CACNA1C: variants seen among roughly 807,000 people sequenced by gnomAD.
CACNA1C encodes the protein calcium voltage-gated channel subunit alpha1 C, also known as voltage-dependent L-type calcium channel subunit alpha-1C.
In CACNA1C, 30 loss-of-function variants were observed where a neutral mutation model predicts 229.0. That is an observed-to-expected ratio of 0.13 (90% CI 0.10 to 0.18). CACNA1C has a LOEUF of 0.18. CACNA1C is among the 10% of genes least tolerant of loss of function. The probability of loss-of-function intolerance (pLI) is 1.00; values close to 1 mark genes in which losing one functional copy is unlikely to be tolerated. For missense variants in CACNA1C, 1,658 were observed against 2,845.0 expected (o/e 0.58, Z 9.49); for synonymous variants, 1,114 against 1,132.5 (o/e 0.98, Z 0.33).
intron 3 of CACNA1C, among the ~76,000 whole-genome samples, chr12:2,300,597 G>C (rs1257433667): frequency 2.0e-5 from 3 of 152,176 alleles, no homozygotes; most frequent in African/African-American, 7.2e-5. Flanking sequence ...CTGCACTCCA[G>C]CCTGGTGACA....
intron 39 of CACNA1C, chr12:2,676,664 C>T (rs904168041): frequency 6.2e-6 from 1 of 160,312 alleles, no homozygotes; most frequent in African/African-American, 2.4e-5. Flanking sequence ...TTTGCACTTG[C>T]ACTTGGAAGA....
rs542763404 is a variant in CACNA1C, at chr12:2,191,587, C to T, written c.477+71157C>T. ...GCACTCACATGTACTCAAGCATACACACATGCACTCACACACATGCGCTCA... is the reference window on the plus strand; with the variant it reads ...GCACTCACATGTACTCAAGCATACATACATGCACTCACACACATGCGCTCA... On this transcript the variant is annotated intron_variant, in intron 3 of 46. Coordinates refer to ENST00000399655, the MANE Select transcript of CACNA1C (RefSeq NM_000719.7). Among the ~76,000 whole-genome samples, 439 of 152,276 alleles carry T rather than the reference C, an allele frequency of 2.9e-3. 3 individuals carry two copies. The highest frequency in any genetic ancestry group is 9.8e-3 in the African/African-American group (406 of 41,536).
At chr12:2,074,842 G>T (rs2062619966) in intron 1 of CACNA1C, among the ~76,000 whole-genome samples, 1 of 152,172 alleles carries the variant, frequency 6.6e-6, no homozygotes, top group African/African-American at 2.4e-5. Context: ...TGGCACCTGT[G>T]GGGAGCCTCC....
chr12:2,625,208 A>T (rs1057245965), intron 29 of CACNA1C, among the ~76,000 whole-genome samples: 16 of 152,238 alleles, frequency 1.1e-4, no homozygotes, highest in Admixed American at 7.8e-4. Flanking sequence ...AAGCATAAAA[A>T]ATAATTATAT....
chr12:2,418,844 TGACCCCCAGC>T (rs1246104832), intron 3 of CACNA1C, among the ~76,000 whole-genome samples: 5 of 152,130 alleles, frequency 3.3e-5, no homozygotes, highest in Admixed American at 1.3e-4. Context: ...GGGAGCATGC[TGACCCCCAGC>T]TCCACTGCTT....
chr12:1,997,880 G>A lies in CACNA1C; in HGVS notation c.139+26679G>A, dbSNP rs538542300. Reference sequence around the variant, plus strand: ...GCACTTGAAGAAGAGTGACACAACGGAGCTAAAATATTATTTTGAAGATTA... The same window carrying A: ...GCACTTGAAGAAGAGTGACACAACGAAGCTAAAATATTATTTTGAAGATTA... On this transcript the variant is annotated intron_variant, in intron 1 of 46. Transcript: ENST00000682462. 1.8e-4 allele frequency: 247 copies of A among 1,395,830 alleles called. No individual in the cohort carries two copies. The African/African-American group carries it at 3.3e-3, about 19-fold the overall frequency. 86.5% of individuals were successfully genotyped at this position (1,395,830 alleles called of 1,614,324 possible). A position where few individuals can be genotyped will look rare whatever the true frequency, so the allele number is the denominator to read the frequency against.
intron 3 of CACNA1C, among the ~76,000 whole-genome samples, chr12:2,165,820 A>C (rs1401320289): frequency 6.6e-6 from 1 of 152,158 alleles, no homozygotes; most frequent in Non-Finnish European, 1.5e-5. Context: ...AGCTAGACTT[A>C]GTTAGACTTA....
rs2099444468 is a variant in CACNA1C at position 2,457,682 on chromosome 12, C to T, written c.733C>T (p.Leu245=). The stretch of plus-strand genomic sequence containing the variant: ...GAGGGCCTTCCGCGTGCTGCGCCCC[C>T]TGCGGCTGGTGTCCGGAGTCCCAAG... ...ALRAFRVLRP[L]RLVSGVPSLQ... The change falls in exon 5 of 47, where the codon CTG becomes TTG. Residue 245 remains leucine (L), a synonymous_variant. Coordinates refer to ENST00000399655, the MANE Select transcript of CACNA1C (RefSeq NM_000719.7). The T allele has an allele frequency of 1.9e-6, 3 of 1,600,934 alleles. No individual in the cohort carries two copies. The highest frequency in any genetic ancestry group is 1.4e-5 in the African/African-American group (1 of 74,038).
chr12:2,285,016 C>CCG lies in CACNA1C; in HGVS notation c.478-163959_478-163958dup, dbSNP rs1227325448. 6.6e-6 allele frequency among the ~76,000 whole-genome samples: 1 copy of CCG among 152,204 alleles called. No individual in the cohort carries two copies. Among genetic ancestry groups the CCG allele is most frequent in the Non-Finnish European group, 1.5e-5 (1 of 68,026 alleles). ...TCAGTGAGCGGGGCCTGGGGTAGGG[C>CCG]CGTTCTGCAGATCCTGGGTTGGCTT... is the stretch of plus-strand genomic sequence containing the variant. On this transcript the variant is annotated intron_variant, in intron 3 of 46. Transcript: ENST00000399655. The surrounding 1 kb of genome is among the most constrained non-coding windows in gnomAD (Gnocchi z 4.2).
intron 9 of CACNA1C, among the ~76,000 whole-genome samples, chr12:2,540,559 T>C (rs2099867245): frequency 6.6e-6 from 1 of 152,138 alleles, no homozygotes; most frequent in African/African-American, 2.4e-5. Context: ...TCCCCTCCAC[T>C]GCTGTGGTGT....
At chr12:2,118,599 C>T (rs899331428) in intron 2 of CACNA1C, among the ~76,000 whole-genome samples, 2 of 152,200 alleles carry the variant, frequency 1.3e-5, no homozygotes, top group Non-Finnish European at 2.9e-5. Context: ...GGATCACAAG[C>T]GTACATTCCA....
At chr12:1,975,463 T>C (rs951616309) in intron 1 of CACNA1C, among the ~76,000 whole-genome samples, 2 of 152,158 alleles carry the variant, frequency 1.3e-5, no homozygotes, top group African/African-American at 4.8e-5. Flanking sequence ...ATACACATTA[T>C]ATAGCCATAA....
At chr12:2,195,285 C>T (rs1451179023) in intron 3 of CACNA1C, among the ~76,000 whole-genome samples, 1 of 152,174 alleles carries the variant, frequency 6.6e-6, no homozygotes, top group Non-Finnish European at 1.5e-5. Flanking sequence ...CACGCCCCTC[C>T]CTGTGGAAGG....
At chr12:2,335,275 T>C (rs1302154063) in intron 3 of CACNA1C, among the ~76,000 whole-genome samples, 1 of 152,124 alleles carries the variant, frequency 6.6e-6, no homozygotes, top group Non-Finnish European at 1.5e-5. Flanking sequence ...CAGTGGTCTC[T>C]TCCGCCATGC....
At chr12:2,203,093 G>T (rs1409902582) in intron 3 of CACNA1C, among the ~76,000 whole-genome samples, 1 of 152,178 alleles carries the variant, frequency 6.6e-6, no homozygotes. Context: ...CATGCTGGGG[G>T]TGTAGCCATG....
chr12:2,146,369 A>G (rs1310629170), intron 3 of CACNA1C, among the ~76,000 whole-genome samples: 1 of 151,436 alleles, frequency 6.6e-6, no homozygotes, highest in African/African-American at 2.4e-5. Context: ...TCATCAGCAT[A>G]GGAATCAGAA....
intron 1 of CACNA1C, among the ~76,000 whole-genome samples, chr12:2,008,172 C>T (rs1332388639): frequency 3.9e-5 from 6 of 152,016 alleles, no homozygotes; most frequent in Non-Finnish European, 8.8e-5. Context: ...GGCTGGAGTG[C>T]AGTGGCACAA....
rs1044617109 is a variant in CACNA1C, at chr12:2,053,087, C to T, written c.-476C>T. On this transcript the variant is annotated 5_prime_UTR_variant, in exon 1 of 47. Transcript: ENST00000399655. This position sits in a 1 kb window ranked among gnomAD's most constrained non-coding sequence, Gnocchi z 5.8. ...GCGGCGGCGGCTCTTCCTGCCTCCG[C>T]GCCCAGGAGTTGCCGGCTCCCTTTG... is the stretch of plus-strand genomic sequence containing the variant. 1.5e-5 allele frequency: 15 copies of T among 984,476 alleles called. No individual in the cohort carries two copies. In the African/African-American group the frequency reaches 2.1e-4, roughly 14 times the overall value. The allele number at this position is 984,476 out of a possible 1,614,324, so 61.0% of individuals were successfully genotyped here. A position where few individuals can be genotyped will look rare whatever the true frequency, so the allele number is the denominator to read the frequency against.
intron 10 of CACNA1C, among the ~76,000 whole-genome samples, chr12:2,553,164 C>T (rs896523013): frequency 2.0e-5 from 3 of 152,188 alleles, no homozygotes; most frequent in South Asian, 2.1e-4. Context: ...CAAAGCACTC[C>T]GCTCTGGGCC....
Sources: allele counts gnomAD v4.1 joint callset (sites outside exome capture counted in the v4.1 genomes callset), GRCh38; gene constraint gnomAD v4.1.1; non-coding constraint Gnocchi (gnomAD v3.1); transcripts MANE v1.5; gene names NCBI Gene and HGNC (gene_info 2026-07-23, HGNC 2026-07-21).